Variants in SEMA3E observed in about 807,000 individuals in gnomAD.
The protein encoded by SEMA3E is semaphorin-3E.
A neutral mutation model predicts 93.6 loss-of-function variants in SEMA3E; 49 were observed. The observed-to-expected ratio is 0.52, with a 90% CI of 0.42 to 0.66. SEMA3E has a LOEUF of 0.66. SEMA3E is among the 30% of genes least tolerant of loss of function. SEMA3E has a pLI of 0.00. For synonymous variants in SEMA3E, 363 were observed against 330.7 expected (o/e 1.10, Z -1.06); for missense variants, 906 against 964.8 (o/e 0.94, Z 0.81).
At chr7:83,508,263 C>CTTTTTT (rs1030827840) in intron 1 of SEMA3E, among the ~76,000 whole-genome samples, 1 of 138,710 alleles carries the variant, frequency 7.2e-6, no homozygotes, top group African/African-American at 2.6e-5. Context: ...TTTTCTTTTT[C>CTTTTTT]TTTTTTTTTT....
chr7:83,374,004 C>T (rs1033862940), intron 16 of SEMA3E, among the ~76,000 whole-genome samples: 2 of 151,748 alleles, frequency 1.3e-5, no homozygotes, highest in Admixed American at 6.6e-5. Context: ...GTTGGGAGTT[C>T]GAGACCAGCA....
chr7:83,462,223 C>G (rs1377271996), intron 4 of SEMA3E: 1 of 152,224 alleles, frequency 6.6e-6, no homozygotes, highest in African/African-American at 2.4e-5. Context: ...GGCCCGTCCC[C>G]TTCTTAATCA....
rs181708781 is a variant in SEMA3E, at chr7:83,477,093, T to C, written c.277-7791A>G. On this transcript the variant is annotated intron_variant, in intron 2 of 16. Coordinates refer to ENST00000643230, the MANE Select transcript of SEMA3E (RefSeq NM_012431.3). The stretch of plus-strand genomic sequence containing the variant: ...AACAGCTTATTGTTACAAGACGTTA[T>C]GACACTCAGAGATTTAGGAGAGTGC... Among the ~76,000 whole-genome samples, 119 of 152,312 alleles carry C rather than the reference T, an allele frequency of 7.8e-4. 1 individual carries two copies. The highest frequency in any genetic ancestry group is 2.6e-3 in the African/African-American group (110 of 41,584).
intron 1 of SEMA3E, among the ~76,000 whole-genome samples, chr7:83,509,065 C>T (rs1054177649): frequency 3.9e-5 from 6 of 152,168 alleles, no homozygotes; most frequent in Admixed American, 3.3e-4. Context: ...CCCCTAGTTA[C>T]TCGTGTCATT....
intron 2 of SEMA3E, among the ~76,000 whole-genome samples, chr7:83,472,454 A>C (rs1040406829): frequency 1.3e-5 from 2 of 152,138 alleles, no homozygotes; most frequent in African/African-American, 4.8e-5. Context: ...TCAGTTCCCA[A>C]ATGTTTTTGT....
intron 1 of SEMA3E, among the ~76,000 whole-genome samples, chr7:83,504,082 G>A (rs1790649058): frequency 6.6e-6 from 1 of 152,114 alleles, no homozygotes; most frequent in South Asian, 2.1e-4. Flanking sequence ...TACACCAGGA[G>A]TTTGCAATCT....
chr7:83,579,028 G>T (rs768342494), intron 1 of SEMA3E, among the ~76,000 whole-genome samples: 1 of 152,012 alleles, frequency 6.6e-6, no homozygotes, highest in Admixed American at 6.6e-5. Flanking sequence ...TATAAGAAGA[G>T]CAAAGTGTGG....
At chr7:83,394,465 C>G in intron 12 of SEMA3E, 127 bp from the exon 13 acceptor site, 1 of 758,218 alleles carries the variant, frequency 1.3e-6, no homozygotes, top group Admixed American at 2.6e-5. Flanking sequence ...GTATAGCTTT[C>G]ATTTTAGTAA....
intron 1 of SEMA3E, among the ~76,000 whole-genome samples, chr7:83,527,231 G>A (rs1334872211): frequency 6.6e-6 from 1 of 152,106 alleles, no homozygotes; most frequent in East Asian, 1.9e-4. Flanking sequence ...AGGGAACATG[G>A]TTCTATGGAC....
chr7:83,508,517 C>T (rs1790749808), intron 1 of SEMA3E, among the ~76,000 whole-genome samples: 2 of 152,116 alleles, frequency 1.3e-5, no homozygotes, highest in Non-Finnish European at 2.9e-5. Context: ...CCACCTCGGC[C>T]TCCCAAAGTG....
intron 4 of SEMA3E, 60 bp downstream of exon 4, chr7:83,466,422 T>C (rs201435144): frequency 5.6e-6 from 9 of 1,593,650 alleles, no homozygotes; most frequent in Non-Finnish European, 7.7e-6. Context: ...TAGTCTTTCT[T>C]TGAGAACAAG....
chr7:83,602,389 C>A (rs1320070322), intron 1 of SEMA3E, among the ~76,000 whole-genome samples: 2 of 152,184 alleles, frequency 1.3e-5, no homozygotes, highest in African/African-American at 4.8e-5. Context: ...CTGAAATTTT[C>A]ACATAAGCAT....
At chr7:83,550,925 A>T (rs13237198) in intron 1 of SEMA3E, among the ~76,000 whole-genome samples, 1 of 152,168 alleles carries the variant, frequency 6.6e-6, no homozygotes, top group African/African-American at 2.4e-5. Context: ...ATACACATAT[A>T]AAAAGTTTTC....
At chr7:83,396,791 A>AAG in intron 11 of SEMA3E, 62 bp from the exon 12 acceptor site, 1 of 1,179,730 alleles carries the variant, frequency 8.5e-7, no homozygotes, top group East Asian at 2.4e-5. Flanking sequence ...TTTCAAAAAA[A>AAG]CCATGTAGCT....
At chr7:83,492,459 G>T (rs1030085234) in intron 1 of SEMA3E, among the ~76,000 whole-genome samples, 5 of 151,984 alleles carry the variant, frequency 3.3e-5, no homozygotes, top group African/African-American at 4.8e-5. Context: ...ATAGTCTAAA[G>T]ATAGTAGTTC....
At chr7:83,607,700 A>T (rs1793156277) in intron 1 of SEMA3E, among the ~76,000 whole-genome samples, 1 of 152,170 alleles carries the variant, frequency 6.6e-6, no homozygotes, top group Admixed American at 6.6e-5. Flanking sequence ...AGTGTAAAGG[A>T]TGAGTAAGGT....
At chr7:83,479,483 C>T (rs1016442688) in intron 2 of SEMA3E, among the ~76,000 whole-genome samples, 2 of 152,096 alleles carry the variant, frequency 1.3e-5, no homozygotes, top group South Asian at 2.1e-4. Flanking sequence ...TTAAGTAACA[C>T]CTAAAAATAT....
intron 16 of SEMA3E, among the ~76,000 whole-genome samples, chr7:83,373,313 GT>G (rs1794775327): frequency 6.6e-6 from 1 of 152,024 alleles, no homozygotes; most frequent in Non-Finnish European, 1.5e-5. Context: ...AATAAAATCA[GT>G]TTTAGTTAAG....
At position 83,396,737 on chromosome 7, in the gene SEMA3E, A is replaced by G. The variant is rs759279601; in HGVS notation, c.1367-8T>C. ...TCAGCACAATTCCATTATCTGTAAG[A>G]AAACAAAACAAGAAATAAACTAGAA... On this transcript the variant is annotated splice_region_variant and splice_polypyrimidine_tract_variant and intron_variant, in intron 11 of 16. Coordinates refer to ENST00000643230, the MANE Select transcript of SEMA3E (RefSeq NM_012431.3). 2.7e-5 allele frequency: 42 copies of G among 1,561,576 alleles called. No homozygotes were observed. Among genetic ancestry groups the G allele is most frequent in the Non-Finnish European group, 3.3e-5 (38 of 1,136,430 alleles).
Sources: allele counts gnomAD v4.1 joint callset (sites outside exome capture counted in the v4.1 genomes callset), GRCh38; gene constraint gnomAD v4.1.1; transcripts MANE v1.5; gene names NCBI Gene and HGNC (gene_info 2026-07-23, HGNC 2026-07-21).